GRM1: variants seen among roughly 807,000 people sequenced by gnomAD.
GRM1 encodes the protein metabotropic glutamate receptor 1.
A neutral mutation model predicts 90.9 loss-of-function variants in GRM1; 33 were observed. The ratio of observed to expected loss-of-function variants is 0.36; its 90% CI spans 0.28 to 0.49. GRM1 has a LOEUF of 0.49. Among genes scored for constraint, GRM1 ranks in the 20% least tolerant of loss-of-function variants. The pLI is 0.99. For missense variants in GRM1, 1,190 were observed against 1,534.3 expected, an observed-to-expected ratio of 0.78 and a Z score of 3.75; for synonymous variants, 700 against 613.2, an observed-to-expected ratio of 1.14 and a Z score of -2.09.
At chr6:146,140,090 A>ATTCATTCTTTCTTTCT (rs1554272173) in intron 1 of GRM1, among the ~76,000 whole-genome samples, 4 of 57,838 alleles carry the variant, frequency 6.9e-5, no homozygotes, top group African/African-American at 3.1e-4. Context: ...TTCTTTCTTT[A>ATTCATTCTTTCTTTCT]TTCTTTCTTT....
At position 146,434,447 on chromosome 6, in the gene GRM1, C is replaced by G; in HGVS notation, c.3236C>G (p.Pro1079Arg). 6.2e-7 allele frequency: 1 copy of G among 1,613,770 alleles called. No individual in the cohort carries two copies. Among genetic ancestry groups the G allele is most frequent in the Non-Finnish European group, 8.5e-7 (1 of 1,179,804 alleles). ...PPPPQHLQML[P>R]LQLSTFGEEL... ...CCTCCGCAGCACCTGCAGATGCTGC[C>G]GCTGCAGCTGAGCACCTTTGGGGAG... is the stretch of plus-strand genomic sequence containing the variant. Residue 1079 changes from proline to arginine, a missense_variant, in exon 8 of 8, where the codon CCG becomes CGG. Coordinates refer to ENST00000282753, the MANE Select transcript of GRM1 (RefSeq NM_001278064.2).
intron 2 of GRM1, among the ~76,000 whole-genome samples, chr6:146,218,039 A>C (rs546830708): frequency 6.6e-6 from 1 of 152,164 alleles, no homozygotes; most frequent in Non-Finnish European, 1.5e-5. Flanking sequence ...TGTCATCTCC[A>C]TTTTAGAGAA....
chr6:146,335,073 G>A (rs2115002430), intron 3 of GRM1, among the ~76,000 whole-genome samples: 1 of 152,212 alleles, frequency 6.6e-6, no homozygotes, highest in Non-Finnish European at 1.5e-5. Flanking sequence ...TCTTATAGGT[G>A]CTATCTGCTT....
Position 146,401,322 on chromosome 6 carries a change from CT to C in GRM1, c.2660+1624del, listed in dbSNP as rs552784940. Among the ~76,000 whole-genome samples, 190 of 151,712 alleles carry C rather than the reference CT, an allele frequency of 1.3e-3. 1 individual carries two copies. The highest frequency in any genetic ancestry group is 4.6e-3 in the Admixed American group (70 of 15,238). On this transcript the variant is annotated intron_variant, in intron 7 of 7. Transcript: ENST00000282753. ...ATAAAAGTGGTTAGCCTTTTTTTTC[CT>C]CTTACCATGTTTTTTTTATTCTAGC...
intron 1 of GRM1, among the ~76,000 whole-genome samples, chr6:146,129,603 C>A (rs1776316572): frequency 6.6e-6 from 1 of 152,114 alleles, no homozygotes; most frequent in Non-Finnish European, 1.5e-5. Flanking sequence ...TTGAGCTGAA[C>A]CTTAGGCTGA....
intron 1 of GRM1, among the ~76,000 whole-genome samples, chr6:146,113,796 G>A (rs1775647515): frequency 6.6e-6 from 1 of 152,194 alleles, no homozygotes; most frequent in Admixed American, 6.5e-5. Context: ...GAGGTATTGT[G>A]ATAGATTTTG....
At chr6:146,158,415 G>T (rs535138820) in intron 1 of GRM1, among the ~76,000 whole-genome samples, 1 of 152,056 alleles carries the variant, frequency 6.6e-6, no homozygotes, top group Non-Finnish European at 1.5e-5. Flanking sequence ...AGCAGAGATG[G>T]ATGTTTGACA....
At chr6:146,218,808 A>C (rs1779959143) in intron 2 of GRM1, among the ~76,000 whole-genome samples, 1 of 152,184 alleles carries the variant, frequency 6.6e-6, no homozygotes. Context: ...TTTAAATACA[A>C]GGGAAACCGA....
intron 7 of GRM1, among the ~76,000 whole-genome samples, chr6:146,422,234 C>G (rs765284938): frequency 6.6e-6 from 1 of 152,136 alleles, no homozygotes; most frequent in African/African-American, 2.4e-5. Context: ...CTGACAAATC[C>G]ATTCAAAGTC....
intron 2 of GRM1, among the ~76,000 whole-genome samples, chr6:146,209,141 G>A (rs1026753101): frequency 9.2e-5 from 14 of 152,126 alleles, no homozygotes; most frequent in Non-Finnish European, 2.1e-4. Context: ...TGAAGCTAAA[G>A]GTTGGCATGA....
In GRM1 at chr6:146,166,243, T is replaced by C. The variant is rs1284541994; in HGVS notation, c.950+6646T>C. ...CACCTTAGACCATCAATACAATTTC[T>C]TGGTCAGGACTTTGGATCTTATTTC... On this transcript the variant is annotated intron_variant, in intron 2 of 7. Coordinates refer to ENST00000282753, the MANE Select transcript of GRM1 (RefSeq NM_001278064.2). 2.1e-4 allele frequency among the ~76,000 whole-genome samples: 32 copies of C among 152,128 alleles called. 1 individual carries two copies. Among genetic ancestry groups the C allele is most frequent in the Admixed American group, 2.1e-3 (32 of 15,260 alleles).
chr6:146,058,533 T>C (rs6899547), intron 1 of GRM1, among the ~76,000 whole-genome samples: 1,787 of 152,280 alleles, frequency 0.012, 32 homozygotes, highest in African/African-American at 0.041. Flanking sequence ...TTGATGTTGA[T>C]GGCTGCTGAC....
chr6:146,043,798 T>TATATATATATATAG (rs1457365337), intron 1 of GRM1, among the ~76,000 whole-genome samples: 2 of 145,264 alleles, frequency 1.4e-5, no homozygotes, highest in African/African-American at 5.0e-5. Flanking sequence ...TATATATATA[T>TATATATATATATAG]ATATATATAT....
chr6:146,431,730 T>C (rs1338843872), intron 7 of GRM1, among the ~76,000 whole-genome samples: 1 of 152,066 alleles, frequency 6.6e-6, no homozygotes, highest in African/African-American at 2.4e-5. Flanking sequence ...GAAGGAAACA[T>C]TTTTTTCATT....
At chr6:146,054,037 T>TA (rs1202999533) in intron 1 of GRM1, among the ~76,000 whole-genome samples, 1 of 152,116 alleles carries the variant, frequency 6.6e-6, no homozygotes, top group East Asian at 1.9e-4. Flanking sequence ...CTATGAGAGA[T>TA]AAAAAATGAA....
intron 2 of GRM1, among the ~76,000 whole-genome samples, chr6:146,201,325 A>C (rs531395657): frequency 1.2e-3 from 182 of 152,364 alleles, no homozygotes; most frequent in African/African-American, 4.2e-3. Context: ...ACTATTTACC[A>C]GAAAATGTTC....
intron 1 of GRM1, among the ~76,000 whole-genome samples, chr6:146,150,666 C>A (rs1258677829): frequency 6.6e-6 from 1 of 152,062 alleles, no homozygotes; most frequent in Admixed American, 6.6e-5. Context: ...TTTTATCTAG[C>A]TGTATTTTTG....
At chr6:146,159,766 G>GT (rs1283463827) in intron 2 of GRM1, 169 bp downstream of exon 2, 1 of 629,638 alleles carries the variant, frequency 1.6e-6, no homozygotes, top group Non-Finnish European at 2.8e-6. Context: ...GGATCTCACT[G>GT]TTAATGTGAA....
rs573124268 is a variant in GRM1, at chr6:146,192,435, C to G, written c.950+32838C>G. 5.3e-5 allele frequency among the ~76,000 whole-genome samples: 8 copies of G among 152,236 alleles called. No individual in the cohort carries two copies. In the East Asian group the frequency reaches 1.5e-3, roughly 29 times the overall value. On this transcript the variant is annotated intron_variant, in intron 2 of 7. Coordinates refer to ENST00000282753, the MANE Select transcript of GRM1 (RefSeq NM_001278064.2). Reference sequence around the variant, plus strand: ...ATTAGGCACTTGGCCTTATACAAAACCTCAGGTTCCTCATATGTCAATTAG... The same window carrying G: ...ATTAGGCACTTGGCCTTATACAAAAGCTCAGGTTCCTCATATGTCAATTAG...
Sources: allele counts gnomAD v4.1 joint callset (sites outside exome capture counted in the v4.1 genomes callset), GRCh38; gene constraint gnomAD v4.1.1; transcripts MANE v1.5; gene names NCBI Gene and HGNC (gene_info 2026-07-23, HGNC 2026-07-21).